The following HDAC7 variants were observed in gnomAD, a reference collection of about 807,000 sequenced individuals.
HDAC7 encodes histone deacetylase 7, also known as histone deacetylase 7A.
HDAC7 carries 26 observed loss-of-function variants against 115.5 expected under a neutral mutation model. That is an observed-to-expected ratio of 0.23 (90% CI 0.16 to 0.31). The LOEUF (loss-of-function observed/expected upper bound fraction) is 0.31, where lower values mean the gene tolerates loss of function less well. Among genes scored for constraint, HDAC7 ranks in the 10% least tolerant of loss-of-function variants. The probability of loss-of-function intolerance (pLI) is 1.00; values close to 1 mark genes in which losing one functional copy is unlikely to be tolerated. For synonymous variants in HDAC7, 564 were observed against 550.9 expected, an observed-to-expected ratio of 1.02 and a Z score of -0.33; for missense variants, 1,068 against 1,329.0, an observed-to-expected ratio of 0.80 and a Z score of 3.05.
intron 1 of HDAC7, chr12:47,802,616 C>A: frequency 2.7e-6 from 2 of 746,580 alleles, no homozygotes; most frequent in African/African-American, 1.8e-5. Flanking sequence ...CCTGGGCAGC[C>A]AAACCAGGCT....
intron 2 of HDAC7, among the ~76,000 whole-genome samples, chr12:47,799,910 G>A (rs71462981): frequency 1.3e-5 from 2 of 152,156 alleles, no homozygotes; most frequent in African/African-American, 2.4e-5. Context: ...GGAGCAGGCC[G>A]GCCCCATGGG....
At chr12:47,808,924 G>T (rs531979349) in intron 1 of HDAC7, among the ~76,000 whole-genome samples, 10 of 152,326 alleles carry the variant, frequency 6.6e-5, no homozygotes, top group Admixed American at 6.5e-4. Context: ...CAGTCCCTGA[G>T]ATAGGAAGTT....
At chr12:47,784,624 C>T (rs928756852) in intron 24 of HDAC7, 9 of 1,190,498 alleles carry the variant, frequency 7.6e-6, no homozygotes, top group Non-Finnish European at 1.1e-5. Context: ...ACAGCCCCCA[C>T]CAGTGCTCAG....
Position 47,798,971 on chromosome 12 carries a change from G to A in HDAC7, c.72C>T (p.Gly24=). The change falls in exon 3 of 26, where the codon GGC becomes GGT. Residue 24 remains glycine (G), a splice_region_variant and synonymous_variant. Transcript: ENST00000080059. This position sits in a 1 kb window ranked among gnomAD's most constrained non-coding sequence, Gnocchi z 4.3. ...GTGTGTCTGCACAGGGCCTGGGGCA[G>A]CCTAGGGACAGAGAGAGGGAGCAGG... is the stretch of plus-strand genomic sequence containing the variant. ...GAHYCSPTGA[G]CPRPCADTPG... 6.7e-7 allele frequency: 1 copy of A among 1,495,138 alleles called. No homozygotes were observed. Among genetic ancestry groups the A allele is most frequent in the South Asian group, 1.3e-5 (1 of 75,322 alleles). 92.6% of individuals were successfully genotyped at this position (1,495,138 alleles called of 1,614,324 possible). A position where few individuals can be genotyped will look rare whatever the true frequency, so the allele number is the denominator to read the frequency against.
At chr12:47,813,247 TTC>T (rs1944747231) in intron 1 of HDAC7, 1 of 137,284 alleles carries the variant, frequency 7.3e-6, no homozygotes, top group Admixed American at 7.2e-5. Context: ...CTGAGAGCAG[TTC>T]TATAACCTGA....
chr12:47,799,215 A>G, intron 2 of HDAC7: 1 of 448,208 alleles, frequency 2.2e-6, no homozygotes, highest in East Asian at 3.6e-5. Flanking sequence ...TGGTGTTTGA[A>G]CGGAGTCTTC....
chr12:47,794,976 G>A lies in HDAC7; in HGVS notation c.1285-43C>T, dbSNP rs1186244763. 6.4e-6 allele frequency: 10 copies of A among 1,570,556 alleles called. No individual in the cohort carries two copies. In the South Asian group the frequency reaches 1.2e-4, roughly 19 times the overall value. ...TGGCTGAGAAGCCATGGTGGAGCGA[G>A]GGGCATGGGGTGGGAGGTGGTGGGC... is the stretch of plus-strand genomic sequence containing the variant. On this transcript the variant is annotated intron_variant, in intron 11 of 25. Coordinates refer to ENST00000080059, the MANE Select transcript of HDAC7 (RefSeq NM_015401.5).
At chr12:47,791,439 G>A (rs1261010142) in intron 15 of HDAC7, 131 bp from the exon 16 acceptor site, 13 of 1,360,930 alleles carry the variant, frequency 9.6e-6, no homozygotes, top group Non-Finnish European at 1.1e-5. Context: ...AGGTGGAGGT[G>A]GGCTGAGGAG....
chr12:47,805,382 G>C (rs1488938071), intron 1 of HDAC7, among the ~76,000 whole-genome samples: 3 of 151,934 alleles, frequency 2.0e-5, no homozygotes, highest in Admixed American at 6.6e-5. Flanking sequence ...CTGGACTCTT[G>C]ATTAGCGGAA....
rs1243789979 is a variant in HDAC7 at position 47,802,429 on chromosome 12, A to T, written c.20-155T>A. On this transcript the variant is annotated intron_variant, in intron 1 of 25. Transcript: ENST00000080059. ...ACCAGAAGCTAATCAAAACGAGAAG[A>T]CCCCACCCCATTCGACTCCTCCAGT... 4 of 1,545,554 alleles carry T rather than the reference A, an allele frequency of 2.6e-6. No individual in the cohort carries two copies. The Admixed American group carries it at 7.9e-5, about 31-fold the overall frequency.
intron 8 of HDAC7, 30 bp from the exon 9 acceptor site, chr12:47,796,046 G>C: frequency 1.9e-6 from 3 of 1,544,668 alleles, no homozygotes; most frequent in Non-Finnish European, 2.6e-6. Flanking sequence ...GAGGGTCACC[G>C]GTCCCAGACC....
intron 2 of HDAC7, among the ~76,000 whole-genome samples, chr12:47,799,851 G>C (rs139150539): frequency 2.6e-5 from 4 of 152,210 alleles, no homozygotes; most frequent in Admixed American, 1.3e-4. Context: ...ACTGGGAGAC[G>C]GAGCTGTTGC....
rs762278141 is a variant in HDAC7 at position 47,798,155 on chromosome 12, C to G, written c.414G>C (p.Ala138=). 1.2e-6 allele frequency: 2 copies of G among 1,613,596 alleles called. No homozygotes were observed. The highest frequency in any genetic ancestry group is 3.3e-5 in the Admixed American group (2 of 59,954). Residue 138 remains alanine, a synonymous_variant, in exon 5 of 26, where the codon GCG becomes GCC. Transcript: ENST00000080059. This position sits in a 1 kb window ranked among gnomAD's most constrained non-coding sequence, Gnocchi z 4.3. ...LAEVILKKQQ[A]ALERTVHPNS... ...TGGGATGGACTGTTCTTTCTAGGGC[C>G]GCCTGCTGTTTTTTCAGAATCACCT...
chr12:47,810,711 A>G (rs935149281), intron 1 of HDAC7, among the ~76,000 whole-genome samples: 4 of 152,146 alleles, frequency 2.6e-5, no homozygotes, highest in Admixed American at 2.6e-4. Context: ...CTCTCTGGAA[A>G]CTGTCAAGCC....
chr12:47,788,365 C>T (rs1431025721), intron 19 of HDAC7: 1 of 490,764 alleles, frequency 2.0e-6, no homozygotes. Context: ...CTGTGCTGGA[C>T]AGGGCTGGCT....
In HDAC7 at chr12:47,789,893, G is replaced by C; in HGVS notation, c.2011C>G (p.Leu671Val). 1 of 1,613,378 alleles carries C rather than the reference G, an allele frequency of 6.2e-7. No individual in the cohort carries two copies. Among genetic ancestry groups the C allele is most frequent in the South Asian group, 1.1e-5 (1 of 91,074 alleles). Residue 671 changes from leucine (L) to valine (V), a missense_variant, in exon 17 of 26, where the codon CTT becomes GTT. Coordinates refer to ENST00000080059, the MANE Select transcript of HDAC7 (RefSeq NM_015401.5). ...CAGCGGGCTGCATTGGAGGAATGAA[G>C]CTCATTCCAGATGGTGTCAGTGTCC... is the stretch of plus-strand genomic sequence containing the variant. Reference protein sequence around the residue: ...GVDTDTIWNELHSSNAARWAA... With the variant: ...GVDTDTIWNEVHSSNAARWAA...
chr12:47,786,350 A>G lies in HDAC7; in HGVS notation c.2572+235T>C, dbSNP rs1592628395. ...CTACTGGACTTAAGTCCCCATGGGT[A>G]TGACCTGGTCAAGCCCTCCGTGGTG... On this transcript the variant is annotated intron_variant, in intron 22 of 25. Coordinates refer to ENST00000080059, the MANE Select transcript of HDAC7 (RefSeq NM_015401.5). 2.6e-5 allele frequency among the ~76,000 whole-genome samples: 4 copies of G among 152,328 alleles called. No individual in the cohort carries two copies. The South Asian group carries it at 6.2e-4, about 24-fold the overall frequency.
In HDAC7 at chr12:47,797,160, G is replaced by A. The variant is rs775573212; in HGVS notation, c.578-18C>T. Reference sequence around the variant, plus strand: ...CTCAGAGACTGCAGGGAGCACCAGCGTCACTCAGGCCCCCACCACCCTTCT... The same window carrying A: ...CTCAGAGACTGCAGGGAGCACCAGCATCACTCAGGCCCCCACCACCCTTCT... On this transcript the variant is annotated intron_variant, in intron 6 of 25. Transcript: ENST00000080059. This position sits in a 1 kb window ranked among gnomAD's most constrained non-coding sequence, Gnocchi z 5.5. 2.9e-5 allele frequency: 46 copies of A among 1,575,730 alleles called. No individual in the cohort carries two copies. The highest frequency in any genetic ancestry group is 2.0e-4 in the East Asian group (9 of 44,554).
intron 8 of HDAC7, 55 bp from the exon 9 acceptor site, chr12:47,796,071 C>T (rs1001934423): frequency 1.3e-6 from 2 of 1,536,098 alleles, no homozygotes; most frequent in East Asian, 2.4e-5. Context: ...CCCCGGCGCA[C>T]CTTCCCCAGA....
Sources: gnomAD v4.1 joint callset for allele counts (sites outside exome capture counted in the v4.1 genomes callset) on GRCh38, gnomAD v4.1.1 for gene constraint, Gnocchi (gnomAD v3.1) non-coding constraint, MANE v1.5 for transcripts, NCBI Gene and HGNC (gene_info 2026-07-23, HGNC 2026-07-21) for gene names.